The following POM121 variants were observed in gnomAD, a reference collection of about 807,000 sequenced individuals.
The protein encoded by POM121 is POM121 transmembrane nucleoporin.
POM121 carries 32 observed loss-of-function variants against 81.3 expected under a neutral mutation model. The observed-to-expected ratio is 0.39, with a 90% confidence interval of 0.30 to 0.53. POM121 has a LOEUF of 0.53. POM121 is among the 20% of genes least tolerant of loss of function. The pLI is 0.66. For synonymous variants in POM121, 514 were observed against 694.2 expected (o/e 0.74, Z 4.08); for missense variants, 1,138 against 1,614.6 (o/e 0.70, Z 5.06).
Position 72,946,461 on chromosome 7 carries a change from T to C in POM121, c.*227T>C. On this transcript the variant is annotated 3_prime_UTR_variant, in exon 13 of 13. Coordinates refer to ENST00000434423, the MANE Select transcript of POM121 (RefSeq NM_001387691.1). ...GCGGAGGGCCAAAGCCCGGGACCTC[T>C]ACTTGAACAGTTCTACTGGGGAGGC... 3 of 1,384,796 alleles carry C rather than the reference T, an allele frequency of 2.2e-6. No individual in the cohort carries two copies. The highest frequency in any genetic ancestry group is 2.7e-4 in the Middle Eastern group (1 of 3,652). 85.8% of individuals were successfully genotyped at this position (1,384,796 alleles called of 1,614,324 possible).
In POM121 at chr7:72,942,088, G is replaced by A. The variant is rs373710178; in HGVS notation, c.2095G>A (p.Ala699Thr). ...CCAAGCCACATCTGCCCCGTCCCCC[G>A]CCCCCAAGCAAAGCTTCCTGTTTGG... ...KPQATSAPSPAPKQSFLFGTQ... is the reference protein window; with the variant it reads ...KPQATSAPSPTPKQSFLFGTQ... Residue 699 changes from alanine (A) to threonine (T), a missense_variant, in exon 11 of 13, where the codon GCC (alanine) becomes ACC (threonine). Physicochemically the swap from Ala to Thr is moderately conservative, Grantham distance 58 (BLOSUM62 0). Coordinates refer to ENST00000434423, the MANE Select transcript of POM121 (RefSeq NM_001387691.1). The A allele has an allele frequency of 1.3e-5, 21 of 1,605,632 alleles. 1 individual carries two copies. The highest frequency in any genetic ancestry group is 2.2e-4 in the Middle Eastern group (1 of 4,450).
At chr7:72,914,042 G>A (rs1794063199) in intron 4 of POM121, among the ~76,000 whole-genome samples, 2 of 152,198 alleles carry the variant, frequency 1.3e-5, no homozygotes, top group South Asian at 2.1e-4. Context: ...GGACAGAAGC[G>A]ACGCTATGAG....
At chr7:72,906,857 A>C (rs1412856967) in intron 3 of POM121, among the ~76,000 whole-genome samples, 2 of 151,026 alleles carry the variant, frequency 1.3e-5, no homozygotes, top group African/African-American at 2.4e-5. Context: ...CAAACTCCTG[A>C]GCTCAAGTGA....
chr7:72,948,918 C>G, downstream of POM121: 1 of 1,612,574 alleles, frequency 6.2e-7, no homozygotes. Flanking sequence ...TCTGCTGCAG[C>G]GCATCTTGTA....
upstream of POM121, among the ~76,000 whole-genome samples, chr7:72,923,617 T>G (rs1795042220): frequency 7.6e-6 from 1 of 130,758 alleles, no homozygotes; most frequent in Non-Finnish European, 1.6e-5. Flanking sequence ...TTTTTTTTTT[T>G]GAGACGGAGT....
At chr7:72,914,528 G>T (rs1554494833) in intron 4 of POM121, among the ~76,000 whole-genome samples, 1 of 146,062 alleles carries the variant, frequency 6.8e-6, no homozygotes, top group Non-Finnish European at 1.5e-5. Flanking sequence ...TAGAGATAGG[G>T]TCTCGCTGTA....
At chr7:72,893,497 T>C (rs1338809787) in intron 3 of POM121, among the ~76,000 whole-genome samples, 2 of 152,124 alleles carry the variant, frequency 1.3e-5, no homozygotes, top group African/African-American at 4.8e-5. Context: ...GGCAAGAGAA[T>C]GGCCTGAACC....
intron 11 of POM121, among the ~76,000 whole-genome samples, chr7:72,944,375 A>G (rs1177452529): frequency 2.6e-5 from 4 of 152,122 alleles, no homozygotes; most frequent in African/African-American, 9.7e-5. Flanking sequence ...TGAAGTAGAG[A>G]AAATCTGGGA....
At chr7:72,890,678 T>G (rs1463610393) in exon 2 of POM121, 2 of 1,600,452 alleles carry the variant, frequency 1.2e-6, no homozygotes, top group East Asian at 2.2e-5. Flanking sequence ...GGAGGAGTGG[T>G]GGCAACTGGA....
chr7:72,889,743 C>G (rs1464033507), intron 1 of POM121, among the ~76,000 whole-genome samples: 1 of 152,194 alleles, frequency 6.6e-6, no homozygotes, highest in African/African-American at 2.4e-5. Flanking sequence ...GTCTCGAACT[C>G]CTGAGCTCAA....
intron 3 of POM121, among the ~76,000 whole-genome samples, chr7:72,908,288 A>G (rs1314162058): frequency 1.3e-5 from 2 of 152,210 alleles, no homozygotes; most frequent in Non-Finnish European, 1.5e-5. Flanking sequence ...GGGAGACATC[A>G]CATGTCGGCA....
Position 72,946,265 on chromosome 7 carries a change from C to G in POM121, c.*31C>G. The G allele has an allele frequency of 1.2e-6, 2 of 1,607,418 alleles. No homozygotes were observed. Among genetic ancestry groups the G allele is most frequent in the Non-Finnish European group, 1.7e-6 (2 of 1,177,596 alleles). ...GTCCCCTGTCCCTGTTCCCCCCACC[C>G]CTTCCCTAAATCTGGACCTTGGCAC... is the stretch of plus-strand genomic sequence containing the variant. On this transcript the variant is annotated 3_prime_UTR_variant, in exon 13 of 13. Transcript: ENST00000434423.
At chr7:72,894,918 C>G (rs1459423158) in intron 3 of POM121, among the ~76,000 whole-genome samples, 2 of 152,170 alleles carry the variant, frequency 1.3e-5, no homozygotes, top group African/African-American at 4.8e-5. Flanking sequence ...GCTTTGAACT[C>G]CTGGGCTCGA....
chr7:72,929,711 G>T (rs782054402), intron 4 of POM121, among the ~76,000 whole-genome samples: 1 of 152,016 alleles, frequency 6.6e-6, no homozygotes, highest in Non-Finnish European at 1.5e-5. Flanking sequence ...CTGTAGATAG[G>T]TATGCATTTT....
chr7:72,923,589 ATTTTTTTT>A (rs1187827150), upstream of POM121, among the ~76,000 whole-genome samples: 41 of 88,766 alleles, frequency 4.6e-4, no homozygotes, highest in Middle Eastern at 6.3e-3. Context: ...CGCCCGGCTA[ATTTTTTTT>A]TTTTTTTTTT....
chr7:72,911,714 G>A (rs1409435805), intron 3 of POM121, among the ~76,000 whole-genome samples: 2 of 152,182 alleles, frequency 1.3e-5, no homozygotes, highest in Admixed American at 1.3e-4. Context: ...TTGGGAGGAT[G>A]AAATAGACGA....
chr7:72,889,325 C>T (rs7799826), intron 1 of POM121, among the ~76,000 whole-genome samples: 12,404 of 152,300 alleles, frequency 0.081, 1,643 homozygotes, highest in African/African-American at 0.28. Flanking sequence ...CTAGCTGTAT[C>T]ACTGGGTTTG....
chr7:72,883,424 G>A (rs1204664761), intron 1 of POM121, among the ~76,000 whole-genome samples: 1 of 152,168 alleles, frequency 6.6e-6, no homozygotes, highest in African/African-American at 2.4e-5. Context: ...AAAGTGGTAG[G>A]ATTACAGGTG....
In POM121 at chr7:72,926,372, G is replaced by C; in HGVS notation, c.755G>C (p.Gly252Ala). 1 of 1,613,964 alleles carries C rather than the reference G, an allele frequency of 6.2e-7. No individual in the cohort carries two copies. Among genetic ancestry groups the C allele is most frequent in the Non-Finnish European group, 8.5e-7 (1 of 1,179,850 alleles). The change falls in exon 2 of 13, where the codon GGT becomes GCT. Residue 252 changes from glycine to alanine, a missense_variant. Physicochemically the swap from Gly to Ala is moderately conservative, Grantham distance 60 (BLOSUM62 0). Coordinates refer to ENST00000434423, the MANE Select transcript of POM121 (RefSeq NM_001387691.1). ...LGVLPTVCWNGYHKKAVLSPR... is the reference protein window; with the variant it reads ...LGVLPTVCWNAYHKKAVLSPR... ...GTACTTCCCACCGTGTGCTGGAATG[G>C]TTATCACAAGAAGGCTGTGCTGTCC...
Sources: gnomAD v4.1 joint callset for allele counts (sites outside exome capture counted in the v4.1 genomes callset) on GRCh38, gnomAD v4.1.1 for gene constraint, MANE v1.5 for transcripts, NCBI Gene and HGNC (gene_info 2026-07-23, HGNC 2026-07-21) for gene names.